Variants in TUSC3 observed in about 807,000 individuals in gnomAD.
TUSC3 encodes the protein tumor suppressor candidate 3, also known as dolichyl-diphosphooligosaccharide--protein glycosyltransferase subunit TUSC3.
In TUSC3, 45 loss-of-function variants were observed where a neutral mutation model predicts 44.8. The observed-to-expected ratio is 1.00, with a 90% CI of 0.79 to 1.29. The LOEUF is 1.29. Ranked by LOEUF, TUSC3 falls within the 50% of genes most tolerant of loss-of-function variation. TUSC3 has a pLI of 0.00. For missense variants in TUSC3, 519 were observed against 437.9 expected (o/e 1.19, Z -1.65); for synonymous variants, 212 against 152.9 (o/e 1.39, Z -2.85).
At chr8:15,748,791 T>C (rs1179811826) in intron 9 of TUSC3, 4 of 523,274 alleles carry the variant, frequency 7.6e-6, no homozygotes, top group South Asian at 1.4e-5. Flanking sequence ...ATTTGCAAGA[T>C]TGTTTTCTCA....
intron 2 of TUSC3, among the ~76,000 whole-genome samples, chr8:15,498,236 A>G (rs1447618196): frequency 6.6e-6 from 1 of 152,206 alleles, no homozygotes; most frequent in Admixed American, 6.5e-5. Flanking sequence ...TGTACCTTCC[A>G]GTGGATAAAG....
chr8:15,757,550 C>G (rs1370701291), intron 9 of TUSC3, among the ~76,000 whole-genome samples: 1 of 152,130 alleles, frequency 6.6e-6, no homozygotes, highest in Non-Finnish European at 1.5e-5. Flanking sequence ...ATGAGAATTT[C>G]ACTGGTCTCA....
intron 2 of TUSC3, among the ~76,000 whole-genome samples, chr8:15,490,417 A>C (rs1585063833): frequency 6.6e-6 from 1 of 152,024 alleles, no homozygotes; most frequent in African/African-American, 2.4e-5. Context: ...CTGTTTCCCC[A>C]CCACCACCAC....
intron 1 of TUSC3, among the ~76,000 whole-genome samples, chr8:15,542,704 A>G (rs142400048): frequency 5.0e-4 from 76 of 152,286 alleles, no homozygotes; most frequent in African/African-American, 1.8e-3. Context: ...TTCTATTAAA[A>G]TTTTTTCTCG....
intron 1 of TUSC3, among the ~76,000 whole-genome samples, chr8:15,544,368 A>T (rs1209894402): frequency 1.3e-5 from 2 of 151,734 alleles, no homozygotes; most frequent in African/African-American, 4.8e-5. Context: ...CAGTACACTT[A>T]TTGACTTTGC....
At chr8:15,777,157 T>TA in the TUSC3 span, among the ~76,000 whole-genome samples, 1 of 152,160 alleles carries the variant, frequency 6.6e-6, no homozygotes, top group African/African-American at 2.4e-5. Context: ...GTAGGGTAAC[T>TA]AAAAGATAAA....
chr8:15,713,838 G>C (rs528097867), intron 6 of TUSC3, among the ~76,000 whole-genome samples: 5 of 152,194 alleles, frequency 3.3e-5, no homozygotes, highest in African/African-American at 1.2e-4. Flanking sequence ...AGGCATTTTT[G>C]GGAGGGACTC....
the TUSC3 span, among the ~76,000 whole-genome samples, chr8:15,785,636 C>T: frequency 1.3e-5 from 2 of 152,008 alleles, no homozygotes; most frequent in Middle Eastern, 3.2e-3. Context: ...TCTCCACTCC[C>T]TTACCTCCAA....
rs1276079521 is a variant in TUSC3 at position 15,448,117 on chromosome 8, A to ATATATATATATATATATATATATATT, written n.91+30815_91+30816insATATATATATATATATATATATTTAT. Among the ~76,000 whole-genome samples the ATATATATATATATATATATATATATT allele has an allele frequency of 4.9e-4, 46 of 93,694 alleles. 1 individual carries two copies. The highest frequency in any genetic ancestry group is 7.0e-3 in the Middle Eastern group (1 of 142). The allele number at this position is 93,694 out of a possible 152,430, so 61.5% of individuals were successfully genotyped here. ...TATGGTAGTGTATATACATATATAT[A>ATATATATATATATATATATATATATT]TATTTATTTATTTATTTTTTAGATG... On this transcript the variant is annotated intron_variant and non_coding_transcript_variant, in intron 1 of 5. Transcript: ENST00000503191.
At chr8:15,628,819 C>T (rs578156111) in intron 2 of TUSC3, among the ~76,000 whole-genome samples, 1 of 152,168 alleles carries the variant, frequency 6.6e-6, no homozygotes, top group African/African-American at 2.4e-5. Context: ...GTAGCAAGAA[C>T]CATGCTCCTT....
chr8:15,485,470 T>C (rs953290468), intron 2 of TUSC3, among the ~76,000 whole-genome samples: 1 of 150,212 alleles, frequency 6.7e-6, no homozygotes, highest in Non-Finnish European at 1.5e-5. Context: ...TTGTCTTTTT[T>C]TTTTTGTTTT....
the TUSC3 span, among the ~76,000 whole-genome samples, chr8:15,787,679 C>G: frequency 6.6e-6 from 1 of 152,184 alleles, no homozygotes; most frequent in Admixed American, 6.5e-5. Flanking sequence ...TAGATCAAAT[C>G]TTAATATGCA....
At chr8:15,651,022 CAA>C in intron 3 of TUSC3, 1 of 431,994 alleles carries the variant, frequency 2.3e-6, no homozygotes. Context: ...CACACACACA[CAA>C]ATACAATTCA....
intron 1 of TUSC3, among the ~76,000 whole-genome samples, chr8:15,576,417 G>C (rs1188400860): frequency 2.7e-5 from 4 of 147,736 alleles, no homozygotes; most frequent in African/African-American, 7.5e-5. Flanking sequence ...CCACTAACTA[G>C]TCATCTAGCA....
intron 1 of TUSC3, among the ~76,000 whole-genome samples, chr8:15,595,822 C>T (rs114875766): frequency 0.018 from 2,685 of 152,192 alleles, 74 homozygotes; most frequent in African/African-American, 0.062. Flanking sequence ...TAAAAATAGA[C>T]TTAAGATAAT....
chr8:15,783,602 G>C, the TUSC3 span, among the ~76,000 whole-genome samples: 4 of 152,136 alleles, frequency 2.6e-5, no homozygotes, highest in Non-Finnish European at 5.9e-5. Context: ...TTTGACAAAA[G>C]TGTCAAGAAC....
intron 9 of TUSC3, among the ~76,000 whole-genome samples, chr8:15,755,893 G>T (rs560177708): frequency 3.9e-4 from 60 of 151,912 alleles, no homozygotes; most frequent in Middle Eastern, 3.4e-3. Context: ...TTCACATATG[G>T]GTAACTACCT....
At chr8:15,595,601 G>A (rs1373997594) in intron 1 of TUSC3, among the ~76,000 whole-genome samples, 1 of 152,136 alleles carries the variant, frequency 6.6e-6, no homozygotes, top group Non-Finnish European at 1.5e-5. Context: ...AGGCGGGTGG[G>A]CAAATCAGTC....
chr8:15,444,357 C>G (rs1377023667), intron 1 of TUSC3, among the ~76,000 whole-genome samples: 2 of 152,074 alleles, frequency 1.3e-5, no homozygotes, highest in Non-Finnish European at 2.9e-5. Context: ...ACAGACTGGA[C>G]TCAACTTCAA....
Sources: allele counts gnomAD v4.1 joint callset (sites outside exome capture counted in the v4.1 genomes callset), GRCh38; gene constraint gnomAD v4.1.1; transcripts MANE v1.5; gene names NCBI Gene and HGNC (gene_info 2026-07-23, HGNC 2026-07-21).